Variants in SELENON observed in about 807,000 individuals in gnomAD.
The protein encoded by SELENON is selenoprotein N, 1.
A neutral mutation model predicts 59.5 loss-of-function variants in SELENON; 44 were observed. The ratio of observed to expected loss-of-function variants is 0.74; its 90% CI spans 0.58 to 0.95. The LOEUF (loss-of-function observed/expected upper bound fraction) is 0.95, where lower values mean the gene tolerates loss of function less well. Among genes scored for constraint, SELENON ranks in the 40% least tolerant of loss-of-function variants. SELENON has a pLI of 0.00. For missense variants in SELENON, 674 were observed against 721.4 expected, an observed-to-expected ratio of 0.93 and a Z score of 0.75; for synonymous variants, 320 against 305.6, an observed-to-expected ratio of 1.05 and a Z score of -0.49.
At chr1:25,813,806 C>T (rs750197771) in intron 10 of SELENON, 75 bp from the exon 10 acceptor site, 62 of 1,083,134 alleles carry the variant, frequency 5.7e-5, no homozygotes, top group Middle Eastern at 2.0e-4. Context: ...TCCTGCAGCC[C>T]GTGAGGTCTC....
chr1:25,801,639 G>A (rs1263068627), intron 2 of SELENON, among the ~76,000 whole-genome samples: 1 of 152,050 alleles, frequency 6.6e-6, no homozygotes, highest in African/African-American at 2.4e-5. Context: ...CAGCCTGGGC[G>A]ACAGAGTGAG....
intron 10 of SELENON, 49 bp downstream of exon 9, chr1:25,812,841 T>C: frequency 7.1e-7 from 1 of 1,408,042 alleles, no homozygotes; most frequent in Non-Finnish European, 9.9e-7. Context: ...AGTCCACACC[T>C]TGTGGGGTAC....
intron 7 of SELENON, 146 bp from the exon 7 acceptor site, chr1:25,811,308 C>A: frequency 1.2e-6 from 1 of 807,114 alleles, no homozygotes; most frequent in Non-Finnish European, 2.2e-6. Context: ...GCCAGAATCC[C>A]AGTGGCTCTG....
Position 25,809,673 on chromosome 1 carries a change from T to A in SELENON, c.873-10T>A, listed in dbSNP as rs967085557. On this transcript the variant is annotated splice_polypyrimidine_tract_variant and intron_variant, in intron 6 of 12. Coordinates refer to ENST00000361547, the MANE Select transcript of SELENON (RefSeq NM_020451.3). ...GGCAGCTCTGGTGCAGCAGATCCCCTTCCCCACAGGATCCATGCCGAGTTC... is the reference window on the plus strand; with the variant it reads ...GGCAGCTCTGGTGCAGCAGATCCCCATCCCCACAGGATCCATGCCGAGTTC... 4.3e-6 allele frequency: 7 copies of A among 1,613,508 alleles called. No homozygotes were observed. The highest frequency in any genetic ancestry group is 5.9e-6 in the Non-Finnish European group (7 of 1,180,028).
intron 4 of SELENON, among the ~76,000 whole-genome samples, chr1:25,805,643 T>C (rs115262556): frequency 1.9e-4 from 28 of 143,858 alleles, no homozygotes; most frequent in African/African-American, 7.1e-4. Flanking sequence ...ATGATGATTA[T>C]TTCCCACACA....
At chr1:25,805,371 C>A in intron 4 of SELENON, 96 bp downstream of exon 3, 1 of 1,550,668 alleles carries the variant, frequency 6.4e-7, no homozygotes, top group South Asian at 1.1e-5. Context: ...CTCTGTGTGC[C>A]CACTAGAGCC....
chr1:25,802,280 G>A (rs897533153), intron 3 of SELENON, among the ~76,000 whole-genome samples: 8 of 152,220 alleles, frequency 5.3e-5, no homozygotes, highest in Middle Eastern at 3.4e-3. Context: ...GTGAACCACC[G>A]CACCCAGCCA....
rs749968347 is a variant in SELENON, at chr1:25,811,525, A to C, written c.1082A>C (p.Tyr361Ser). The C allele has an allele frequency of 6.2e-7, 1 of 1,614,120 alleles. No individual in the cohort carries two copies. The highest frequency in any genetic ancestry group is 8.5e-7 in the Non-Finnish European group (1 of 1,179,986). The change falls in exon 8 of 13, where the codon TAC (tyrosine) becomes TCC (serine). Residue 361 changes from tyrosine (Y) to serine (S), a missense_variant. Physicochemically the swap from Tyr to Ser is moderately radical, Grantham distance 144. Transcript: ENST00000361547. ...AGCAACATGGAGGTGGACATCGGCT[A>C]CATACCCCAGGTGAGCGCACAGGAG...
chr1:25,811,048 C>T (rs966826194), intron 7 of SELENON, among the ~76,000 whole-genome samples: 10 of 152,200 alleles, frequency 6.6e-5, no homozygotes, highest in Admixed American at 1.3e-4. Context: ...TTGCACTGCT[C>T]GGCTCAGATT....
In SELENON at chr1:25,808,802, G is replaced by A; in HGVS notation, c.747+13G>A. 4 of 1,613,472 alleles carry A rather than the reference G, an allele frequency of 2.5e-6. No homozygotes were observed. The highest frequency in any genetic ancestry group is 3.4e-6 in the Non-Finnish European group (4 of 1,179,842). On this transcript the variant is annotated intron_variant, in intron 5 of 12. Transcript: ENST00000361547. ...CAAGGGCAAGGAGGTGAGGACAGCT[G>A]GGGTGCGACGTGGGGCCCCTCCGCC...
chr1:25,813,946 A>G lies in SELENON; in HGVS notation c.1453A>G (p.Ser485Gly). 6.2e-7 allele frequency: 1 copy of G among 1,614,150 alleles called. No individual in the cohort carries two copies. The highest frequency in any genetic ancestry group is 8.5e-7 in the Non-Finnish European group (1 of 1,180,016). ...GCCCATCCTCACCCTGCTCAACGAGAGCTTCATCAGCACCTGGTCCCTGGT... is the reference window on the plus strand; with the variant it reads ...GCCCATCCTCACCCTGCTCAACGAGGGCTTCATCAGCACCTGGTCCCTGGT... The change falls in exon 11 of 13, where the codon AGC (serine) becomes GGC (glycine). Residue 485 changes from serine to glycine, a missense_variant. By Grantham distance (56) the Ser-to-Gly change is moderately conservative. Transcript: ENST00000361547.
chr1:25,801,264 A>C, intron 2 of SELENON, 104 bp downstream of exon 2: 1 of 912,972 alleles, frequency 1.1e-6, no homozygotes, highest in Non-Finnish European at 1.8e-6. Flanking sequence ...GTGGGATCTC[A>C]GAGGCCCTGG....
At chr1:25,813,361 AGG>A (rs1182980626) in intron 10 of SELENON, among the ~76,000 whole-genome samples, 3 of 152,214 alleles carry the variant, frequency 2.0e-5, no homozygotes, top group Non-Finnish European at 4.4e-5. Flanking sequence ...GGAAGGCAGA[AGG>A]GGTCCCTGCC....
intron 7 of SELENON, among the ~76,000 whole-genome samples, chr1:25,810,651 GT>G (rs1278757307): frequency 6.6e-6 from 1 of 152,246 alleles, no homozygotes; most frequent in Non-Finnish European, 1.5e-5. Context: ...CAGGGCAGGC[GT>G]GAGAGGATGG....
chr1:25,808,808 C>T lies in SELENON; in HGVS notation c.747+19C>T, dbSNP rs758979965. On this transcript the variant is annotated intron_variant, in intron 5 of 12. Coordinates refer to ENST00000361547, the MANE Select transcript of SELENON (RefSeq NM_020451.3). ...CAAGGAGGTGAGGACAGCTGGGGTG[C>T]GACGTGGGGCCCCTCCGCCCGAGCC... 2.6e-5 allele frequency: 42 copies of T among 1,613,062 alleles called. No homozygotes were observed. In the East Asian group the frequency reaches 4.0e-4, roughly 15 times the overall value.
At chr1:25,801,547 C>G (rs2047861010) in intron 2 of SELENON, among the ~76,000 whole-genome samples, 1 of 152,124 alleles carries the variant, frequency 6.6e-6, no homozygotes, top group African/African-American at 2.4e-5. Flanking sequence ...GTAGTCCCAG[C>G]TACTTGGGAG....
At position 25,809,259 on chromosome 1, in the gene SELENON, C is replaced by T; in HGVS notation, c.872+109C>T. On this transcript the variant is annotated intron_variant, in intron 6 of 12. Coordinates refer to ENST00000361547, the MANE Select transcript of SELENON (RefSeq NM_020451.3). ...CCCAGCTCCACCTCTCCTCCCACTG[C>T]CGTCTTGGGCAAGCAGCTTTGGCTC... is the stretch of plus-strand genomic sequence containing the variant. 2.6e-6 allele frequency: 4 copies of T among 1,512,770 alleles called. No homozygotes were observed. The South Asian group carries it at 4.6e-5, about 18-fold the overall frequency. The allele number at this position is 1,512,770 out of a possible 1,614,324, so 93.7% of individuals were successfully genotyped here.
rs1005359529 is a variant in SELENON at position 25,815,915 on chromosome 1, G to A, written c.*197G>A. Reference sequence around the variant, plus strand: ...AGACAAGGGATGCCTGGGCTGACTGGGCAGAGGAACCTCTAGCTCTGACTG... The same window carrying A: ...AGACAAGGGATGCCTGGGCTGACTGAGCAGAGGAACCTCTAGCTCTGACTG... On this transcript the variant is annotated 3_prime_UTR_variant, in exon 13 of 13. Transcript: ENST00000361547. The A allele has an allele frequency of 4.9e-5, 29 of 597,256 alleles. No homozygotes were observed. The African/African-American group carries it at 5.2e-4, about 11-fold the overall frequency. The allele number at this position is 597,256 out of a possible 1,614,324, so 37.0% of individuals were successfully genotyped here.
chr1:25,802,076 A>G lies in SELENON; in HGVS notation c.362A>G (p.Gln121Arg), dbSNP rs2047865773. 1 of 305,384 alleles carries G rather than the reference A, an allele frequency of 3.3e-6. No homozygotes were observed. Among genetic ancestry groups the G allele is most frequent in the Non-Finnish European group, 6.8e-6 (1 of 147,296 alleles). The allele number at this position is 305,384 out of a possible 1,614,324, so 18.9% of individuals were successfully genotyped here. ...TGCAGTCACAGCTCACTGCAGCCTC[A>G]ACTTCCCTGGCTCAATTGATCCTCC... Residue 121 changes from glutamine to arginine, a missense_variant, in exon 3 of 13, where the codon CAA becomes CGA. Gln to Arg is a conservative substitution (Grantham distance 43, BLOSUM62 1). Transcript: ENST00000361547.
Sources: allele counts gnomAD v4.1 joint callset (sites outside exome capture counted in the v4.1 genomes callset), GRCh38; gene constraint gnomAD v4.1.1; transcripts MANE v1.5; gene names NCBI Gene and HGNC (gene_info 2026-07-23, HGNC 2026-07-21).